The following UPRT variants were observed in gnomAD, a reference collection of about 807,000 sequenced individuals.
UPRT encodes the protein RP11-311P8.3.
A neutral mutation model predicts 22.6 loss-of-function variants in UPRT; 5 were observed. That is an observed-to-expected ratio of 0.22 (90% CI 0.12 to 0.47). UPRT has a LOEUF of 0.47. Among genes scored for constraint, UPRT ranks in the 20% least tolerant of loss-of-function variants. The pLI is 0.99. For synonymous variants in UPRT, 77 were observed against 87.7 expected (o/e 0.88, Z 0.68); for missense variants, 181 against 239.9 (o/e 0.75, Z 1.62).
chrX:75,183,711 C>T (rs2082279166), intron 4 of UPRT, among the ~76,000 whole-genome samples: 1 of 112,084 alleles, frequency 8.9e-6, no homozygotes, highest in South Asian at 3.7e-4. Context: ...TAATGATTGC[C>T]ATTCTAACTG....
intron 4 of UPRT, among the ~76,000 whole-genome samples, chrX:75,191,371 G>T (rs1329270466): frequency 8.9e-6 from 1 of 111,921 alleles, no homozygotes; most frequent in Non-Finnish European, 1.9e-5. Context: ...GCCGTGTGAG[G>T]TGTCAGTCTG....
intron 4 of UPRT, among the ~76,000 whole-genome samples, chrX:75,264,915 G>A (rs1230868083): frequency 1.8e-5 from 2 of 111,647 alleles, no homozygotes; most frequent in Non-Finnish European, 3.8e-5. Flanking sequence ...GTCTGTAAAG[G>A]ATTTTATTTC....
At chrX:75,264,983 T>C (rs2082582707) in intron 4 of UPRT, among the ~76,000 whole-genome samples, 1 of 112,056 alleles carries the variant, frequency 8.9e-6, no homozygotes. Flanking sequence ...AAAATTCTTT[T>C]CTTTAAGAAT....
intron 4 of UPRT, among the ~76,000 whole-genome samples, chrX:75,233,216 C>T (rs1245720905): frequency 1.7e-4 from 19 of 109,687 alleles, no homozygotes; most frequent in South Asian, 4.0e-4. Flanking sequence ...TGAAATGAAG[C>T]GAGAAGGGAA....
At chrX:75,161,978 G>A (rs1051912209) in intron 2 of UPRT, among the ~76,000 whole-genome samples, 19 of 111,472 alleles carry the variant, frequency 1.7e-4, no homozygotes, top group Admixed American at 4.8e-4. Context: ...AGGACTGTGG[G>A]ACCCCATGTA....
intron 1 of UPRT, 165 bp downstream of exon 1, chrX:75,274,805 T>C: frequency 2.1e-6 from 1 of 480,127 alleles, no homozygotes; most frequent in Non-Finnish European, 3.2e-6. Flanking sequence ...TGTGTGTGTG[T>C]GTGTGTGTGT....
rs188425425 is a variant in UPRT, at chrX:75,261,596, A to G, written c.-446-29428A>G. 2.7e-5 allele frequency among the ~76,000 whole-genome samples: 3 copies of G among 111,989 alleles called. No individual in the cohort carries two copies. In the East Asian group the frequency reaches 8.4e-4, roughly 31 times the overall value. The stretch of plus-strand genomic sequence containing the variant: ...ACAGCTGAATTTGACTAGAGGTACA[A>G]AGAGGAGCTGGTACCTATCCTTCTG... On this transcript the variant is annotated intron_variant, in intron 4 of 13. Transcript: ENST00000652605.
intron 4 of UPRT, among the ~76,000 whole-genome samples, chrX:75,252,935 C>T (rs1272741655): frequency 9.0e-6 from 1 of 111,353 alleles, no homozygotes; most frequent in Non-Finnish European, 1.9e-5. Context: ...AGCAAACTAT[C>T]ACAAGGACAA....
chrX:75,217,542 T>G (rs1380250010), intron 4 of UPRT, among the ~76,000 whole-genome samples: 3 of 112,002 alleles, frequency 2.7e-5, no homozygotes, highest in Non-Finnish European at 5.6e-5. Flanking sequence ...GTTAGATTCC[T>G]AGTTATTTTA....
chrX:75,218,857 G>T (rs2082401560), intron 4 of UPRT, among the ~76,000 whole-genome samples: 1 of 109,429 alleles, frequency 9.1e-6, no homozygotes, highest in Admixed American at 9.8e-5. Flanking sequence ...ATGGACACAG[G>T]AAGGGGAACG....
At chrX:75,242,316 G>A (rs987415077) in intron 4 of UPRT, among the ~76,000 whole-genome samples, 21 of 110,844 alleles carry the variant, frequency 1.9e-4, no homozygotes, top group African/African-American at 6.9e-4. Flanking sequence ...TCAATTAAGG[G>A]ATTCTGGGAG....
At chrX:75,234,379 A>T (rs1432210302) in intron 4 of UPRT, among the ~76,000 whole-genome samples, 1 of 111,179 alleles carries the variant, frequency 9.0e-6, no homozygotes, top group Non-Finnish European at 1.9e-5. Flanking sequence ...CAGATCAATG[A>T]GACAGAAAGT....
chrX:75,293,462 CT>C lies in UPRT; in HGVS notation c.387-3del, dbSNP rs752533417. Reference sequence around the variant, plus strand: ...TAATTTAGACTAAAACTTGTATTATCTTTTTTTAGGACAGCCAGTAGAGGTG... The same window carrying C: ...TAATTTAGACTAAAACTTGTATTATCTTTTTTAGGACAGCCAGTAGAGGTG... On this transcript the variant is annotated splice_polypyrimidine_tract_variant and intron_variant, in intron 1 of 6. Coordinates refer to ENST00000373383, the MANE Select transcript of UPRT (RefSeq NM_145052.4). 2 of 1,199,812 alleles carry C rather than the reference CT, an allele frequency of 1.7e-6. No homozygotes were observed. Among genetic ancestry groups the C allele is most frequent in the Admixed American group, 2.3e-5 (1 of 43,769 alleles).
At position 75,198,801 on chromosome X, in the gene UPRT, C is replaced by A. The variant is rs938518206; in HGVS notation, c.-447+30922C>A. The stretch of plus-strand genomic sequence containing the variant: ...GTGTAGGAAAGACAGTCTGGAATCA[C>A]CAATGCCACCCCAACCCCATCCCCC... On this transcript the variant is annotated intron_variant, in intron 4 of 13. Coordinates refer to the UPRT transcript ENST00000652605. Among the ~76,000 whole-genome samples, 5 of 111,310 alleles carry A rather than the reference C, an allele frequency of 4.5e-5. No homozygotes were observed. The Admixed American group carries it at 4.8e-4, about 11-fold the overall frequency.
intron 4 of UPRT, among the ~76,000 whole-genome samples, chrX:75,184,891 A>C (rs1452023044): frequency 2.7e-5 from 3 of 111,629 alleles, no homozygotes; most frequent in Non-Finnish European, 5.6e-5. Context: ...ACTTTGCTGA[A>C]GTTGCTTATC....
At chrX:75,208,590 C>T (rs1405339307) in intron 4 of UPRT, among the ~76,000 whole-genome samples, 1 of 111,573 alleles carries the variant, frequency 9.0e-6, no homozygotes, top group Non-Finnish European at 1.9e-5. Context: ...TGGGGACCAC[C>T]AGATGGATTG....
chrX:75,219,099 C>T (rs2147633931), intron 4 of UPRT, among the ~76,000 whole-genome samples: 1 of 111,841 alleles, frequency 8.9e-6, no homozygotes, highest in African/African-American at 3.2e-5. Context: ...TATGATAAAA[C>T]ACTTGGATAT....
At chrX:75,208,771 A>T (rs1191143525) in intron 4 of UPRT, among the ~76,000 whole-genome samples, 1 of 111,289 alleles carries the variant, frequency 9.0e-6, no homozygotes, top group African/African-American at 3.3e-5. Flanking sequence ...GGCTGGGTTA[A>T]GGGGATATTG....
chrX:75,298,116 C>G (rs2082732338), intron 4 of UPRT, among the ~76,000 whole-genome samples: 1 of 107,803 alleles, frequency 9.3e-6, no homozygotes, highest in Admixed American at 1.0e-4. Flanking sequence ...GCAGCTAGTA[C>G]TACAGGCACA....
Sources: allele counts gnomAD v4.1 joint callset (sites outside exome capture counted in the v4.1 genomes callset), GRCh38; gene constraint gnomAD v4.1.1; transcripts MANE v1.5; gene names NCBI Gene and HGNC (gene_info 2026-07-23, HGNC 2026-07-21).